PDE8A: variants seen among roughly 807,000 people sequenced by gnomAD.
The protein encoded by PDE8A is phosphodiesterase 8A, also known as high affinity cAMP-specific and IBMX-insensitive 3',5'-cyclic phosphodiesterase 8A.
A neutral mutation model predicts 105.0 loss-of-function variants in PDE8A; 59 were observed. That is an observed-to-expected ratio of 0.56 (90% confidence interval 0.46 to 0.70). The LOEUF (loss-of-function observed/expected upper bound fraction) is 0.70, where lower values mean the gene tolerates loss of function less well. Ranked by LOEUF, PDE8A falls within the 30% of genes least tolerant of loss-of-function variation. The probability of loss-of-function intolerance (pLI) is 0.00; values close to 1 mark genes in which losing one functional copy is unlikely to be tolerated. For synonymous variants in PDE8A, 355 were observed against 371.9 expected, an observed-to-expected ratio of 0.95 and a Z score of 0.52; for missense variants, 1,014 against 1,045.9, an observed-to-expected ratio of 0.97 and a Z score of 0.42.
chr15:85,021,090 T>C (rs1203320924), intron 1 of PDE8A, among the ~76,000 whole-genome samples: 1 of 152,124 alleles, frequency 6.6e-6, no homozygotes, highest in Non-Finnish European at 1.5e-5. Context: ...ACCTTGTAAA[T>C]GGGATTAGTT....
At chr15:85,073,186 C>T (rs894273921) in intron 3 of PDE8A, among the ~76,000 whole-genome samples, 4 of 152,202 alleles carry the variant, frequency 2.6e-5, no homozygotes, top group Admixed American at 6.5e-5. Flanking sequence ...TCTACAGGAT[C>T]GCACTCCATC....
intron 3 of PDE8A, among the ~76,000 whole-genome samples, chr15:85,069,866 G>A (rs564859368): frequency 2.0e-5 from 3 of 152,110 alleles, no homozygotes; most frequent in African/African-American, 7.2e-5. Flanking sequence ...ATTTGGGGTA[G>A]GGATGGGTCC....
chr15:84,983,987 T>G (rs1344866884), intron 1 of PDE8A, among the ~76,000 whole-genome samples: 3 of 152,236 alleles, frequency 2.0e-5, no homozygotes, highest in Non-Finnish European at 4.4e-5. Flanking sequence ...GACCATTGTC[T>G]TGTGTTGGGG....
At chr15:85,086,692 C>T (rs1047240885) in intron 6 of PDE8A, among the ~76,000 whole-genome samples, 1 of 152,172 alleles carries the variant, frequency 6.6e-6, no homozygotes, top group Non-Finnish European at 1.5e-5. Context: ...AGATCCATCT[C>T]CGCCAAGCTT....
At chr15:85,043,422 C>T (rs2080840291) in intron 1 of PDE8A, among the ~76,000 whole-genome samples, 1 of 152,070 alleles carries the variant, frequency 6.6e-6, no homozygotes, top group Non-Finnish European at 1.5e-5. Flanking sequence ...GATTTTATAC[C>T]TCAGATTGCC....
intron 1 of PDE8A, among the ~76,000 whole-genome samples, chr15:85,009,454 G>T (rs1053672312): frequency 6.6e-6 from 1 of 152,108 alleles, no homozygotes; most frequent in Non-Finnish European, 1.5e-5. Context: ...GGAATTTGTT[G>T]TCCTAAGATC....
At chr15:85,125,992 T>G (rs1349995942) in intron 19 of PDE8A, among the ~76,000 whole-genome samples, 2 of 152,062 alleles carry the variant, frequency 1.3e-5, no homozygotes, top group African/African-American at 4.8e-5. Context: ...ACCCTCCACT[T>G]CTAGGTCCTG....
chr15:85,093,846 A>G lies in PDE8A; in HGVS notation c.852+2665A>G, dbSNP rs186781342. On this transcript the variant is annotated intron_variant, in intron 8 of 21. Transcript: ENST00000394553. ...CAGATACCTAAACTTTATATTGTCA[A>G]TTCTCTTTTAGAGATCTTTTTTTTT... 8.6e-4 allele frequency among the ~76,000 whole-genome samples: 129 copies of G among 149,358 alleles called. 1 individual carries two copies. The Middle Eastern group carries it at 0.01, about 12-fold the overall frequency.
At chr15:84,983,876 A>G (rs2079760453) in intron 1 of PDE8A, among the ~76,000 whole-genome samples, 1 of 152,158 alleles carries the variant, frequency 6.6e-6, no homozygotes, top group Admixed American at 6.5e-5. Flanking sequence ...GGTGTCTTGT[A>G]AGCCTCCCCA....
chr15:85,117,924 A>G (rs902871233), intron 17 of PDE8A, 85 bp downstream of exon 17: 1 of 1,081,534 alleles, frequency 9.2e-7, no homozygotes, highest in Non-Finnish European at 1.4e-6. Context: ...GATACATAGC[A>G]TGACTGCTCA....
At chr15:85,111,444 A>G (rs4842865) in intron 12 of PDE8A, among the ~76,000 whole-genome samples, 34,132 of 152,042 alleles carry the variant, frequency 0.22, 4,031 homozygotes, top group East Asian at 0.4. Flanking sequence ...GGGAAATCCA[A>G]CTCGTCTATC....
chr15:85,045,480 CTGAG>C (rs1398579057), intron 1 of PDE8A, among the ~76,000 whole-genome samples: 1 of 152,216 alleles, frequency 6.6e-6, no homozygotes, highest in Admixed American at 6.5e-5. Context: ...CCATACTTCT[CTGAG>C]TGTCAGCTTC....
chr15:85,050,643 TG>T (rs2080958450), intron 1 of PDE8A, among the ~76,000 whole-genome samples: 1 of 152,216 alleles, frequency 6.6e-6, no homozygotes, highest in Non-Finnish European at 1.5e-5. Context: ...GGTTTATTTC[TG>T]GGCCCTTTAT....
chr15:85,014,129 T>G (rs2080284634), intron 1 of PDE8A, among the ~76,000 whole-genome samples: 1 of 107,928 alleles, frequency 9.3e-6, no homozygotes, highest in African/African-American at 2.9e-5. Context: ...TCTTCCTTTC[T>G]TTTTCTTTTT....
chr15:85,118,195 A>G (rs902820315), intron 17 of PDE8A, among the ~76,000 whole-genome samples: 43 of 152,304 alleles, frequency 2.8e-4, no homozygotes, highest in Middle Eastern at 6.8e-3. Context: ...CCATCTGTAC[A>G]TGAAAGTCTG....
At chr15:85,064,569 A>G (rs2081192265) in intron 2 of PDE8A, 143 bp downstream of exon 2, 1 of 610,952 alleles carries the variant, frequency 1.6e-6, no homozygotes, top group Non-Finnish European at 2.9e-6. Context: ...ACTCTGTAAC[A>G]GTATTATAGT....
intron 16 of PDE8A, chr15:85,116,449 C>A: frequency 3.9e-6 from 1 of 256,752 alleles, no homozygotes; most frequent in Non-Finnish European, 7.5e-6. Flanking sequence ...GAGCCTAGAA[C>A]CAAAATTTAT....
chr15:84,997,820 C>G (rs1486281554), intron 1 of PDE8A, among the ~76,000 whole-genome samples: 1 of 152,150 alleles, frequency 6.6e-6, no homozygotes, highest in African/African-American at 2.4e-5. Flanking sequence ...GTCTTGAACT[C>G]CCAACCTCAG....
chr15:85,114,864 G>A (rs1445990217), intron 14 of PDE8A, among the ~76,000 whole-genome samples: 5 of 152,096 alleles, frequency 3.3e-5, no homozygotes, highest in Admixed American at 6.5e-5. Context: ...TCCTGGAGGC[G>A]AGCAGATGAG....
Sources: gnomAD v4.1 joint callset for allele counts (sites outside exome capture counted in the v4.1 genomes callset) on GRCh38, gnomAD v4.1.1 for gene constraint, MANE v1.5 for transcripts, NCBI Gene and HGNC (gene_info 2026-07-23, HGNC 2026-07-21) for gene names.